Variants in DNM2 observed in about 807,000 individuals in gnomAD.
DNM2 encodes the protein dynamin-2.
In DNM2, 15 loss-of-function variants were observed where a neutral mutation model predicts 99.0. The observed-to-expected ratio is 0.15, with a 90% CI of 0.10 to 0.23. DNM2 has a LOEUF of 0.23. DNM2 is among the 10% of genes least tolerant of loss of function. The pLI, the probability that DNM2 is intolerant of heterozygous loss-of-function variation, is 1.00. For missense variants in DNM2, 742 were observed against 1,189.4 expected, an observed-to-expected ratio of 0.62 and a Z score of 5.53; for synonymous variants, 525 against 481.2, an observed-to-expected ratio of 1.09 and a Z score of -1.19.
Position 10,823,869 on chromosome 19 carries a change from C to T in DNM2, c.1863C>T (p.Leu621=). 1 of 1,613,754 alleles carries T rather than the reference C, an allele frequency of 6.2e-7. No homozygotes were observed. Among genetic ancestry groups the T allele is most frequent in the Non-Finnish European group, 8.5e-7 (1 of 1,179,992 alleles). ...EDVDSWKASF[L]RAGVYPEKDQ... ...TGGACAGCTGGAAGGCCTCGTTCCTCCGAGCTGGCGTCTACCCCGAGAAGG... is the reference window on the plus strand; with the variant it reads ...TGGACAGCTGGAAGGCCTCGTTCCTTCGAGCTGGCGTCTACCCCGAGAAGG... Residue 621 remains leucine (L), a synonymous_variant, in exon 17 of 21, where the codon CTC becomes CTT. Transcript: ENST00000389253.
In DNM2 at chr19:10,795,519, C is replaced by CT; in HGVS notation, c.1196+81dup. On this transcript the variant is annotated intron_variant, in intron 9 of 20. Transcript: ENST00000389253. The surrounding 1 kb of genome is among the most constrained non-coding windows in gnomAD (Gnocchi z 4.2). ...CCAGCTAATTGGGTCACCCACACCT[C>CT]TGAGTCCCTAATCGTTAGGCCTTAA... The CT allele has an allele frequency of 6.6e-7, 1 of 1,521,846 alleles. No individual in the cohort carries two copies. Among genetic ancestry groups the CT allele is most frequent in the East Asian group, 2.3e-5 (1 of 44,358 alleles). The allele number at this position is 1,521,846 out of a possible 1,614,324, so 94.3% of individuals were successfully genotyped here. A position where few individuals can be genotyped will look rare whatever the true frequency, so the allele number is the denominator to read the frequency against.
Position 10,800,559 on chromosome 19 carries a change from G to A in DNM2, c.1423-1729G>A, listed in dbSNP as rs186866651. Among the ~76,000 whole-genome samples, 9 of 152,348 alleles carry A rather than the reference G, an allele frequency of 5.9e-5. No individual in the cohort carries two copies. In the South Asian group the frequency reaches 1.0e-3, roughly 18 times the overall value. On this transcript the variant is annotated intron_variant, in intron 11 of 20. Coordinates refer to ENST00000389253, the MANE Select transcript of DNM2 (RefSeq NM_001005361.3). ...ACTCAGGCCTTACTAAACCAGCCACGCTCGCTCCCACAGATGGAGCACCCT... is the reference window on the plus strand; with the variant it reads ...ACTCAGGCCTTACTAAACCAGCCACACTCGCTCCCACAGATGGAGCACCCT...
chr19:10,800,748 A>C (rs1393706659), intron 11 of DNM2, among the ~76,000 whole-genome samples: 2 of 152,246 alleles, frequency 1.3e-5, no homozygotes, highest in Non-Finnish European at 2.9e-5. Context: ...AATGGGAATC[A>C]AGCCAGTGAG....
intron 7 of DNM2, among the ~76,000 whole-genome samples, chr19:10,788,876 G>A (rs559006524): frequency 3.3e-5 from 5 of 152,300 alleles, no homozygotes; most frequent in East Asian, 3.9e-4. Context: ...GGAGGACACC[G>A]CCTCCTCTGG....
intron 6 of DNM2, among the ~76,000 whole-genome samples, chr19:10,785,728 C>G (rs4804530): frequency 0.94 from 142,870 of 152,284 alleles, 67,260 homozygotes; most frequent in East Asian, 1. Flanking sequence ...TGAGCCACTG[C>G]ACCCAGCTTT....
In DNM2 at chr19:10,812,596, G is replaced by A. The variant is rs2072590378; in HGVS notation, c.1671+219G>A. 6.6e-6 allele frequency among the ~76,000 whole-genome samples: 1 copy of A among 152,156 alleles called. No individual in the cohort carries two copies. Among genetic ancestry groups the A allele is most frequent in the Non-Finnish European group, 1.5e-5 (1 of 68,026 alleles). ...GAGGTCGGGAGTTTGAGACCAGCCT[G>A]GCCAACATGATGAAACCCCGTCTCT... is the stretch of plus-strand genomic sequence containing the variant. On this transcript the variant is annotated intron_variant, in intron 15 of 20. Coordinates refer to ENST00000389253, the MANE Select transcript of DNM2 (RefSeq NM_001005361.3). The surrounding 1 kb of genome is among the most constrained non-coding windows in gnomAD (Gnocchi z 4.0).
chr19:10,719,496 C>T (rs2068866617), intron 1 of DNM2, among the ~76,000 whole-genome samples: 1 of 152,080 alleles, frequency 6.6e-6, no homozygotes, highest in African/African-American at 2.4e-5. Context: ...GCGGTGTGCC[C>T]ATCTGTCCAG....
chr19:10,780,153 T>A (rs984283852), intron 5 of DNM2: 4 of 152,470 alleles, frequency 2.6e-5, no homozygotes, highest in African/African-American at 9.6e-5. Context: ...ACTGCTGAGA[T>A]ATTGAGTGGT....
Position 10,825,073 on chromosome 19 carries a change from G to A in DNM2, c.1910G>A (p.Gly637Glu). The change falls in exon 18 of 21, where the codon GGG becomes GAG. Residue 637 changes from glycine (G) to glutamate (E), a missense_variant. Transcript: ENST00000389253. ...CGCTTGCAGGCAGAAAACGAGGATG[G>A]GGCCCAGGAGAACACCTTCTCCATG... The part of the protein sequence containing the change: ...PEKDQAENED[G>E]AQENTFSMDP... 6.2e-7 allele frequency: 1 copy of A among 1,614,162 alleles called. No individual in the cohort carries two copies. The highest frequency in any genetic ancestry group is 1.3e-5 in the African/African-American group (1 of 75,038).
At chr19:10,788,366 G>A (rs371846562) in intron 7 of DNM2, among the ~76,000 whole-genome samples, 1 of 152,366 alleles carries the variant, frequency 6.6e-6, no homozygotes, top group African/African-American at 2.4e-5. Flanking sequence ...GCATGTCAGA[G>A]GAAGACCCTG....
chr19:10,723,298 T>C (rs1370523703), intron 1 of DNM2, among the ~76,000 whole-genome samples: 1 of 152,154 alleles, frequency 6.6e-6, no homozygotes, highest in Non-Finnish European at 1.5e-5. Context: ...CACGCCTGGC[T>C]AATTTTGTAT....
At chr19:10,788,051 G>GTCT in intron 7 of DNM2, among the ~76,000 whole-genome samples, 1 of 151,506 alleles carries the variant, frequency 6.6e-6, no homozygotes, top group East Asian at 2.0e-4. Flanking sequence ...GGCCAACATG[G>GTCT]TGAAACCCCT....
chr19:10,719,519 A>G (rs1051296865), intron 1 of DNM2, among the ~76,000 whole-genome samples: 1 of 151,944 alleles, frequency 6.6e-6, no homozygotes, highest in African/African-American at 2.4e-5. Flanking sequence ...GGCAAACTCC[A>G]CTCTCTGGGG....
intron 13 of DNM2, among the ~76,000 whole-genome samples, chr19:10,806,724 C>T (rs751576330): frequency 4.6e-5 from 7 of 152,076 alleles, no homozygotes; most frequent in Non-Finnish European, 8.8e-5. Flanking sequence ...ACCTTGGAGG[C>T]GGAGGTTGCA....
At chr19:10,758,095 CCTTT>C (rs1474888741) in intron 1 of DNM2, among the ~76,000 whole-genome samples, 2 of 152,106 alleles carry the variant, frequency 1.3e-5, no homozygotes, top group Middle Eastern at 3.2e-3. Context: ...CTTTCATTTT[CCTTT>C]CTGAGTGTAC....
chr19:10,736,565 A>G (rs1450401798), intron 1 of DNM2, among the ~76,000 whole-genome samples: 1 of 152,170 alleles, frequency 6.6e-6, no homozygotes, highest in Non-Finnish European at 1.5e-5. Context: ...AGAAAAGATC[A>G]TTGTGTATTA....
rs751358047 is a variant in DNM2, at chr19:10,831,070, G to A, written c.*23G>A. ...TAGGCCTCGAGGGGGGCGTGCTCTCGGGGGGGCCTCACGCACCCGCGGCGC... is the reference window on the plus strand; with the variant it reads ...TAGGCCTCGAGGGGGGCGTGCTCTCAGGGGGGCCTCACGCACCCGCGGCGC... On this transcript the variant is annotated 3_prime_UTR_variant, in exon 21 of 21. Coordinates refer to ENST00000389253, the MANE Select transcript of DNM2 (RefSeq NM_001005361.3). This position sits in a 1 kb window ranked among gnomAD's most constrained non-coding sequence, Gnocchi z 4.3. 5.8e-5 allele frequency: 92 copies of A among 1,580,644 alleles called. No homozygotes were observed. The highest frequency in any genetic ancestry group is 1.7e-4 in the Middle Eastern group (1 of 5,940).
chr19:10,793,681 A>G, intron 7 of DNM2, 39 bp from the exon 8 acceptor site: 1 of 1,613,794 alleles, frequency 6.2e-7, no homozygotes, highest in South Asian at 1.1e-5. Context: ...TAGTGTGGAA[A>G]CCTCCGTTTT....
chr19:10,737,940 G>A (rs144681863), intron 1 of DNM2, among the ~76,000 whole-genome samples: 19 of 152,168 alleles, frequency 1.2e-4, no homozygotes, highest in African/African-American at 4.1e-4. Context: ...ACTCATTGAT[G>A]TACTTGTCAA....
Sources: gnomAD v4.1 joint callset for allele counts (sites outside exome capture counted in the v4.1 genomes callset) on GRCh38, gnomAD v4.1.1 for gene constraint, Gnocchi (gnomAD v3.1) non-coding constraint, MANE v1.5 for transcripts, NCBI Gene and HGNC (gene_info 2026-07-23, HGNC 2026-07-21) for gene names.